LUZP2: variants seen among roughly 807,000 people sequenced by gnomAD.
LUZP2 encodes leucine zipper protein 2.
In LUZP2, 52 loss-of-function variants were observed where a neutral mutation model predicts 51.6. The observed-to-expected ratio is 1.01, with a 90% CI of 0.81 to 1.27. The LOEUF (loss-of-function observed/expected upper bound fraction) is 1.27. Ranked by LOEUF, LUZP2 falls within the 50% of genes most tolerant of loss-of-function variation. LUZP2 has a pLI of 0.00. For missense variants in LUZP2, 436 were observed against 395.4 expected (o/e 1.10, Z -0.87); for synonymous variants, 154 against 137.3 (o/e 1.12, Z -0.85).
At chr11:24,802,135 G>T (rs1402143936) in intron 5 of LUZP2, among the ~76,000 whole-genome samples, 1 of 151,792 alleles carries the variant, frequency 6.6e-6, no homozygotes, top group African/African-American at 2.4e-5. Flanking sequence ...GTTTCATTTT[G>T]CCTGTTTTGA....
chr11:24,886,930 G>A (rs1036886394), intron 5 of LUZP2, among the ~76,000 whole-genome samples: 1 of 152,114 alleles, frequency 6.6e-6, no homozygotes, highest in Non-Finnish European at 1.5e-5. Context: ...GAAAATGAAG[G>A]GGTGCTGAAC....
chr11:24,669,858 A>C (rs1179967582), intron 1 of LUZP2, among the ~76,000 whole-genome samples: 1 of 151,992 alleles, frequency 6.6e-6, no homozygotes, highest in Non-Finnish European at 1.5e-5. Context: ...GGAGAAATAT[A>C]ATTTCTATTG....
chr11:24,830,994 A>AAAAATAAAAAT (rs146737489), intron 5 of LUZP2, among the ~76,000 whole-genome samples: 2,054 of 152,090 alleles, frequency 0.014, 47 homozygotes, highest in African/African-American at 0.046. Flanking sequence ...ACTCCCTCTC[A>AAAAATAAAAAT]AAAATAAAAA....
At chr11:24,635,461 T>G (rs1031557904) in intron 1 of LUZP2, among the ~76,000 whole-genome samples, 2 of 151,654 alleles carry the variant, frequency 1.3e-5, no homozygotes, top group African/African-American at 4.8e-5. Context: ...TCATAAGAAA[T>G]AAACACATTT....
chr11:24,849,712 C>T (rs757512181), intron 5 of LUZP2, among the ~76,000 whole-genome samples: 7 of 152,162 alleles, frequency 4.6e-5, no homozygotes, highest in Non-Finnish European at 8.8e-5. Context: ...CTGTCTTCCA[C>T]AATGTTTGAA....
chr11:24,971,463 T>C (rs1179874065), intron 7 of LUZP2, among the ~76,000 whole-genome samples: 5 of 152,020 alleles, frequency 3.3e-5, no homozygotes, highest in African/African-American at 9.7e-5. Flanking sequence ...GTCTGTGGCA[T>C]AGGGGCTGGG....
At position 24,658,479 on chromosome 11, in the gene LUZP2, A is replaced by T. The variant is rs1005400323; in HGVS notation, c.63-70690A>T. Among the ~76,000 whole-genome samples the T allele has an allele frequency of 2.5e-3, 374 of 152,330 alleles. 2 individuals carry two copies. The highest frequency in any genetic ancestry group is 8.8e-3 in the African/African-American group (364 of 41,578). On this transcript the variant is annotated intron_variant, in intron 1 of 11. Coordinates refer to ENST00000336930, the MANE Select transcript of LUZP2 (RefSeq NM_001009909.4). ...CCTAAAACCATAAAAACCCTAGAAG[A>T]AAACCTAGGCAATACCATTCAGGAC...
chr11:24,625,608 A>G (rs1305962535), intron 1 of LUZP2, among the ~76,000 whole-genome samples: 1 of 152,198 alleles, frequency 6.6e-6, no homozygotes, highest in Non-Finnish European at 1.5e-5. Flanking sequence ...TCAGGAAATT[A>G]CAAAGTTCAA....
intron 1 of LUZP2, among the ~76,000 whole-genome samples, chr11:24,620,249 A>AT (rs1423242995): frequency 6.8e-6 from 1 of 146,394 alleles, no homozygotes; most frequent in Admixed American, 6.7e-5. Flanking sequence ...TATTTTACAG[A>AT]TTTTTGCCAT....
intron 7 of LUZP2, among the ~76,000 whole-genome samples, chr11:24,942,592 TA>T (rs1245842226): frequency 2.0e-5 from 3 of 152,224 alleles, no homozygotes; most frequent in Non-Finnish European, 4.4e-5. Flanking sequence ...ATAACTAAGT[TA>T]TAATCATCCT....
chr11:24,801,750 T>G (rs2134117062), intron 5 of LUZP2, among the ~76,000 whole-genome samples: 1 of 151,402 alleles, frequency 6.6e-6, no homozygotes, highest in South Asian at 2.1e-4. Context: ...CTAAATTTAT[T>G]TATTGTTTTT....
intron 1 of LUZP2, among the ~76,000 whole-genome samples, chr11:24,546,562 G>A (rs1237229083): frequency 6.6e-6 from 1 of 151,936 alleles, no homozygotes; most frequent in Non-Finnish European, 1.5e-5. Flanking sequence ...TGTTTATGTG[G>A]TGTGAATCAC....
chr11:24,684,905 C>A (rs1052993239), intron 1 of LUZP2, among the ~76,000 whole-genome samples: 1 of 152,192 alleles, frequency 6.6e-6, no homozygotes, highest in Non-Finnish European at 1.5e-5. Flanking sequence ...TACCTCCATG[C>A]AGCCTTCCTG....
intron 7 of LUZP2, among the ~76,000 whole-genome samples, chr11:24,923,006 G>A (rs977235885): frequency 6.6e-5 from 10 of 151,280 alleles, no homozygotes; most frequent in African/African-American, 2.4e-5. Flanking sequence ...CCGCCACCAC[G>A]CCTAGCTAAT....
At chr11:24,512,058 T>A (rs1424462710) in intron 1 of LUZP2, among the ~76,000 whole-genome samples, 1 of 152,208 alleles carries the variant, frequency 6.6e-6, no homozygotes, top group Non-Finnish European at 1.5e-5. Flanking sequence ...TTTCTCTGTA[T>A]ACTTTTGTCC....
At chr11:24,684,452 A>G (rs1375713038) in intron 1 of LUZP2, among the ~76,000 whole-genome samples, 4 of 152,068 alleles carry the variant, frequency 2.6e-5, no homozygotes, top group Non-Finnish European at 4.4e-5. Context: ...TGTCCTACAG[A>G]TTTCTGCCTC....
intron 5 of LUZP2, chr11:24,786,590 G>C: frequency 4.1e-6 from 1 of 246,128 alleles, no homozygotes; most frequent in Non-Finnish European, 6.0e-6. Flanking sequence ...ATATATATTT[G>C]CATTATATTA....
intron 1 of LUZP2, among the ~76,000 whole-genome samples, chr11:24,660,599 C>T (rs1482721760): frequency 6.6e-6 from 1 of 152,234 alleles, no homozygotes; most frequent in African/African-American, 2.4e-5. Context: ...CGAAGAACCC[C>T]TGATCATAAA....
intron 1 of LUZP2, among the ~76,000 whole-genome samples, chr11:24,662,503 T>A (rs1414383211): frequency 6.6e-6 from 1 of 152,108 alleles, no homozygotes; most frequent in Non-Finnish European, 1.5e-5. Flanking sequence ...ATGTTTGAGA[T>A]AAGTGATGGA....
Sources: gnomAD v4.1 joint callset for allele counts (sites outside exome capture counted in the v4.1 genomes callset) on GRCh38, gnomAD v4.1.1 for gene constraint, MANE v1.5 for transcripts, NCBI Gene and HGNC (gene_info 2026-07-23, HGNC 2026-07-21) for gene names.